Variants in MEIOB observed in about 807,000 individuals in gnomAD.
MEIOB encodes meiosis-specific with OB domain-containing protein.
MEIOB carries 50 observed loss-of-function variants against 53.1 expected under a neutral mutation model. The observed-to-expected ratio is 0.94, with a 90% CI of 0.75 to 1.19. The LOEUF is 1.19. Ranked by LOEUF, MEIOB falls within the 50% of genes most tolerant of loss-of-function variation. The pLI is 0.00. For synonymous variants in MEIOB, 192 were observed against 182.5 expected (o/e 1.05, Z -0.42); for missense variants, 551 against 550.8 (o/e 1.00, Z 0.00).
At chr16:1,864,490 T>C (rs867481287) in intron 3 of MEIOB, among the ~76,000 whole-genome samples, 17,268 of 145,896 alleles carry the variant, frequency 0.12, 1,173 homozygotes, top group South Asian at 0.14. Flanking sequence ...TTCTTTTCTT[T>C]TTTTTTTTTT....
intron 3 of MEIOB, among the ~76,000 whole-genome samples, chr16:1,864,819 C>G (rs1413640951): frequency 6.6e-6 from 1 of 152,088 alleles, no homozygotes; most frequent in African/African-American, 2.4e-5. Context: ...ATAATTTTAG[C>G]AAGTATTTTA....
chr16:1,844,457 A>C (rs749778301), intron 10 of MEIOB, among the ~76,000 whole-genome samples: 4 of 150,976 alleles, frequency 2.6e-5, no homozygotes, highest in Admixed American at 2.6e-4. Context: ...TTATTTTTTT[A>C]TTTTTTGAGA....
At chr16:1,869,959 C>A (rs553203265) in intron 1 of MEIOB, among the ~76,000 whole-genome samples, 112 of 150,720 alleles carry the variant, frequency 7.4e-4, no homozygotes, top group African/African-American at 2.5e-3. Context: ...GCAACCTCTA[C>A]CTCCCAGGTT....
intron 6 of MEIOB, among the ~76,000 whole-genome samples, chr16:1,854,536 CA>C (rs1899253760): frequency 6.6e-6 from 1 of 152,182 alleles, no homozygotes; most frequent in South Asian, 2.1e-4. Flanking sequence ...ACTGTGTTTC[CA>C]GCACCTTTGT....
chr16:1,864,249 T>C (rs116209240), intron 3 of MEIOB, among the ~76,000 whole-genome samples: 9 of 152,298 alleles, frequency 5.9e-5, no homozygotes, highest in African/African-American at 2.2e-4. Context: ...AGGACTAGGA[T>C]GGCAAGAGTG....
intron 1 of MEIOB, among the ~76,000 whole-genome samples, chr16:1,871,028 G>T (rs1899728663): frequency 6.6e-6 from 1 of 151,776 alleles, no homozygotes; most frequent in African/African-American, 2.4e-5. Flanking sequence ...TTATCTCTCT[G>T]AATTCCCTTA....
chr16:1,860,968 T>A (rs1451696388), intron 4 of MEIOB, among the ~76,000 whole-genome samples: 1 of 152,206 alleles, frequency 6.6e-6, no homozygotes, highest in Non-Finnish European at 1.5e-5. Context: ...ATACATGCTT[T>A]CTTGTTCCTT....
intron 9 of MEIOB, among the ~76,000 whole-genome samples, chr16:1,851,295 C>T (rs898385130): frequency 6.6e-6 from 1 of 152,182 alleles, no homozygotes; most frequent in African/African-American, 2.4e-5. Context: ...CAGGGCTTTC[C>T]CTTGGTTATC....
intron 7 of MEIOB, 117 bp from the exon 8 acceptor site, chr16:1,853,388 G>GTT (rs1899219756): frequency 1.3e-6 from 1 of 781,644 alleles, no homozygotes; most frequent in Non-Finnish European, 2.1e-6. Flanking sequence ...CATCCCCAAG[G>GTT]TGGTCAAAGA....
Position 1,864,796 on chromosome 16 carries a change from G to C in MEIOB, c.127+982C>G, listed in dbSNP as rs748419830. Among the ~76,000 whole-genome samples the C allele has an allele frequency of 2.5e-4, 38 of 151,980 alleles. 1 individual carries two copies. The highest frequency in any genetic ancestry group is 1.5e-4 in the Non-Finnish European group (10 of 67,982). The stretch of plus-strand genomic sequence containing the variant: ...ACCACTGTGCCTGGCAAAAAACCGT[G>C]TATTTCATTTTTATAATTTTAGCAA... On this transcript the variant is annotated intron_variant, in intron 3 of 13. Transcript: ENST00000325962.
At chr16:1,871,591 C>A (rs1217020592) in intron 1 of MEIOB, among the ~76,000 whole-genome samples, 17 of 123,540 alleles carry the variant, frequency 1.4e-4, no homozygotes, top group Non-Finnish European at 2.7e-4. Flanking sequence ...ATGGTGCGAT[C>A]TTGGTTCACT....
chr16:1,850,175 A>T (rs1899129706), intron 9 of MEIOB, among the ~76,000 whole-genome samples: 7 of 152,216 alleles, frequency 4.6e-5, no homozygotes. Context: ...ACCATTGTAC[A>T]GTCAAGCTTG....
intron 9 of MEIOB, among the ~76,000 whole-genome samples, chr16:1,848,265 T>G (rs1596971467): frequency 6.6e-6 from 1 of 152,156 alleles, no homozygotes; most frequent in East Asian, 1.9e-4. Flanking sequence ...ACAAAAGCAA[T>G]AGCAAAATTC....
chr16:1,837,985 T>C lies in MEIOB; in HGVS notation c.1219-115A>G, dbSNP rs926249420. ...AGAAATGAAATTTTATTTGCAGTAA[T>C]TACAGCTCAATCGTTTGTTTTTGTT... On this transcript the variant is annotated intron_variant, in intron 12 of 13. Coordinates refer to ENST00000325962, the MANE Select transcript of MEIOB (RefSeq NM_001163560.3). 7 of 1,444,082 alleles carry C rather than the reference T, an allele frequency of 4.8e-6. No homozygotes were observed. The African/African-American group carries it at 1.0e-4, about 21-fold the overall frequency. 89.5% of individuals were successfully genotyped at this position (1,444,082 alleles called of 1,614,324 possible).
intron 12 of MEIOB, 186 bp from the exon 13 acceptor site, chr16:1,838,056 G>C (rs749823022): frequency 1.7e-6 from 2 of 1,147,630 alleles, no homozygotes; most frequent in Non-Finnish European, 2.4e-6. Flanking sequence ...GAGTGCAGCA[G>C]TGCTATCACA....
At chr16:1,849,685 T>C (rs1476200303) in intron 9 of MEIOB, among the ~76,000 whole-genome samples, 1 of 151,750 alleles carries the variant, frequency 6.6e-6, no homozygotes. Context: ...GTAAAGCTGA[T>C]ATAAACAAGC....
intron 11 of MEIOB, chr16:1,840,008 C>G (rs1898858809): frequency 6.6e-6 from 1 of 152,224 alleles, no homozygotes; most frequent in Non-Finnish European, 1.5e-5. Flanking sequence ...ACACTCTCCT[C>G]TCTTTCAGTG....
chr16:1,861,362 T>TCAA (rs1899436189), intron 4 of MEIOB, among the ~76,000 whole-genome samples: 1 of 152,148 alleles, frequency 6.6e-6, no homozygotes, highest in Non-Finnish European at 1.5e-5. Context: ...TTTATCAAAA[T>TCAA]ATATTCAGTG....
chr16:1,840,465 G>A (rs139032130), intron 11 of MEIOB, among the ~76,000 whole-genome samples: 2 of 152,186 alleles, frequency 1.3e-5, no homozygotes, highest in East Asian at 1.9e-4. Context: ...TGATATCCTG[G>A]CTGTGACATG....
Sources: allele counts gnomAD v4.1 joint callset (sites outside exome capture counted in the v4.1 genomes callset), GRCh38; gene constraint gnomAD v4.1.1; transcripts MANE v1.5; gene names NCBI Gene and HGNC (gene_info 2026-07-23, HGNC 2026-07-21).